The following CUL9 variants were observed in gnomAD, a reference collection of about 807,000 sequenced individuals.
CUL9 encodes cullin 9, also known as cullin-9.
Under a neutral mutation model 272.6 loss-of-function variants are expected in CUL9, and 79 were observed. That is an observed-to-expected ratio of 0.29 (90% CI 0.24 to 0.35). CUL9 has a LOEUF of 0.35. Ranked by LOEUF, CUL9 falls within the 10% of genes least tolerant of loss-of-function variation. The pLI is 1.00. For missense variants in CUL9, 2,532 were observed against 3,255.6 expected (o/e 0.78, Z 5.41); for synonymous variants, 1,186 against 1,286.5 (o/e 0.92, Z 1.67).
intron 29 of CUL9, 31 bp from the exon 30 acceptor site, chr6:43,215,047 AG>A: frequency 6.4e-7 from 1 of 1,562,486 alleles, no homozygotes; most frequent in Non-Finnish European, 8.7e-7. Context: ...CCTACATAAA[AG>A]TGGACTTCTT....
At position 43,198,874 on chromosome 6, in the gene CUL9, C is replaced by G. The variant is rs1334111432; in HGVS notation, c.3050+19C>G. 6.2e-7 allele frequency: 1 copy of G among 1,606,924 alleles called. No individual in the cohort carries two copies. Among genetic ancestry groups the G allele is most frequent in the Non-Finnish European group, 8.5e-7 (1 of 1,175,752 alleles). On this transcript the variant is annotated intron_variant, in intron 12 of 40. Transcript: ENST00000252050. The stretch of plus-strand genomic sequence containing the variant: ...TGCTGAGGTGAGGGGCCTGTTGAGG[C>G]ACCATGCATTGGGACGAGGGAAACT...
chr6:43,220,325 G>T lies in CUL9; in HGVS notation c.6283-134G>T. On this transcript the variant is annotated intron_variant, in intron 31 of 40. Transcript: ENST00000252050. This position sits in a 1 kb window ranked among gnomAD's most constrained non-coding sequence, Gnocchi z 4.9. ...AGGAGTCAGCATTGGTTGATCTAGA[G>T]GCAGGCTTGTTTCTGGCCTTCCACG... is the stretch of plus-strand genomic sequence containing the variant. The T allele has an allele frequency of 9.9e-7, 1 of 1,011,424 alleles. No individual in the cohort carries two copies. Among genetic ancestry groups the T allele is most frequent in the Non-Finnish European group, 1.5e-6 (1 of 675,692 alleles). 62.7% of individuals were successfully genotyped at this position (1,011,424 alleles called of 1,614,324 possible).
intron 12 of CUL9, 59 bp downstream of exon 12, chr6:43,198,914 A>G: frequency 1.3e-6 from 2 of 1,544,354 alleles, no homozygotes; most frequent in Non-Finnish European, 1.7e-6. Flanking sequence ...GACTTCAGGG[A>G]CTTCACTTGT....
At chr6:43,204,645 G>A (rs998509216) in intron 21 of CUL9, 103 bp from the exon 22 acceptor site, 2 of 1,580,576 alleles carry the variant, frequency 1.3e-6, no homozygotes, top group Non-Finnish European at 1.7e-6. Flanking sequence ...GCCTTTCCAG[G>A]CCCCTGAGAC....
chr6:43,215,079 G>A lies in CUL9; in HGVS notation c.5689G>A (p.Val1897Met), dbSNP rs1468967115. The A allele has an allele frequency of 4.4e-6, 7 of 1,600,318 alleles. No homozygotes were observed. The highest frequency in any genetic ancestry group is 6.0e-6 in the Non-Finnish European group (7 of 1,171,054). The change falls in exon 30 of 41, where the codon GTG becomes ATG. Residue 1897 changes from valine (V) to methionine (M), a missense_variant and splice_region_variant. Val to Met is a conservative substitution (Grantham distance 21, BLOSUM62 1). Around this residue, in one of 3 missense-constraint regions of CUL9, gnomAD observed 2,218 missense variants for 2,788.6 expected, o/e 0.80. Coordinates refer to ENST00000252050, the MANE Select transcript of CUL9 (RefSeq NM_015089.4). The part of the protein sequence containing the change: ...GLHIDQLVCL[V>M]LEAWQKGPNP... ...TTCTTGTTTCTTTCCTCCTATCCAG[G>A]TGCTGGAGGCCTGGCAGAAGGGTCC...
intron 21 of CUL9, 65 bp downstream of exon 21, chr6:43,204,604 C>T: frequency 1.2e-6 from 2 of 1,601,914 alleles, no homozygotes; most frequent in South Asian, 1.1e-5. Context: ...CTCCCTCCTC[C>T]CTGGGTCTTA....
intron 2 of CUL9, 144 bp downstream of exon 2, chr6:43,185,049 T>C (rs905810105): frequency 1.4e-6 from 1 of 689,986 alleles, no homozygotes; most frequent in Non-Finnish European, 2.4e-6. Context: ...TATAGATTAA[T>C]AGGCTATTTC....
At position 43,185,438 on chromosome 6, in the gene CUL9, A is replaced by G; in HGVS notation, c.596-18A>G. 1 of 1,610,762 alleles carries G rather than the reference A, an allele frequency of 6.2e-7. No individual in the cohort carries two copies. The highest frequency in any genetic ancestry group is 1.3e-5 in the African/African-American group (1 of 75,004). ...ACTGGGGATTGAGGAGAAGATATGG[A>G]TTGGGTATGGATTACAGGGAGTCGG... On this transcript the variant is annotated intron_variant, in intron 2 of 40. Transcript: ENST00000252050.
At chr6:43,194,755 AAAAAAT>A (rs1202304755) in intron 9 of CUL9, among the ~76,000 whole-genome samples, 3 of 152,124 alleles carry the variant, frequency 2.0e-5, no homozygotes, top group Non-Finnish European at 4.4e-5. Flanking sequence ...GATCATGACA[AAAAAAT>A]AAAAATAAAA....
chr6:43,200,969 G>A lies in CUL9; in HGVS notation c.3647+135G>A. 1 of 1,112,258 alleles carries A rather than the reference G, an allele frequency of 9.0e-7. No individual in the cohort carries two copies. The highest frequency in any genetic ancestry group is 1.5e-5 in the African/African-American group (1 of 65,158). 68.9% of individuals were successfully genotyped at this position (1,112,258 alleles called of 1,614,324 possible). A position where few individuals can be genotyped will look rare whatever the true frequency, so the allele number is the denominator to read the frequency against. Reference sequence around the variant, plus strand: ...ACCTATTTTGTGCAGTGAACACATAGACACATTGACCTGCCTTTGCTGAGT... The same window carrying A: ...ACCTATTTTGTGCAGTGAACACATAAACACATTGACCTGCCTTTGCTGAGT... On this transcript the variant is annotated intron_variant, in intron 16 of 40. Transcript: ENST00000252050. This position sits in a 1 kb window ranked among gnomAD's most constrained non-coding sequence, Gnocchi z 4.0.
chr6:43,204,411 A>G lies in CUL9; in HGVS notation c.4211A>G (p.Gln1404Arg). ...TGGCTGCTGGATCAGTACTTAGAAC[A>G]GAGAGAGACCTCTCGGAACCCCTTG... ...LGWLLDQYLEQRETSRNPLSR... is the reference protein window; with the variant it reads ...LGWLLDQYLERRETSRNPLSR... The change falls in exon 21 of 41, where the codon CAG (glutamine) becomes CGG (arginine). Residue 1404 changes from glutamine to arginine, a missense_variant. By Grantham distance (43) the Gln-to-Arg change is conservative (BLOSUM62 1). Coordinates refer to ENST00000252050, the MANE Select transcript of CUL9 (RefSeq NM_015089.4). 1.2e-6 allele frequency: 2 copies of G among 1,614,130 alleles called. No homozygotes were observed. Among genetic ancestry groups the G allele is most frequent in the Middle Eastern group, 3.3e-4 (2 of 6,062 alleles).
Position 43,223,087 on chromosome 6 carries a change from C to T in CUL9, c.7151-177C>T, listed in dbSNP as rs1276916226. On this transcript the variant is annotated intron_variant, in intron 38 of 40. Transcript: ENST00000252050. This position sits in a 1 kb window ranked among gnomAD's most constrained non-coding sequence, Gnocchi z 4.1. ...GCCTACATTGTAAGGTGCCCAAGGG[C>T]GCAGATGTTCGTGGATGTTTCTTGG... is the stretch of plus-strand genomic sequence containing the variant. The T allele has an allele frequency of 4.0e-6, 4 of 997,164 alleles. No homozygotes were observed. Among genetic ancestry groups the T allele is most frequent in the South Asian group, 1.7e-5 (1 of 59,286 alleles). 61.8% of individuals were successfully genotyped at this position (997,164 alleles called of 1,614,324 possible). A position where few individuals can be genotyped will look rare whatever the true frequency, so the allele number is the denominator to read the frequency against.
At chr6:43,201,549 A>G (rs758633790) in intron 16 of CUL9, among the ~76,000 whole-genome samples, 1 of 152,098 alleles carries the variant, frequency 6.6e-6, no homozygotes, top group South Asian at 2.1e-4. Flanking sequence ...GTGTGATCTC[A>G]GCTCACTGCA....
chr6:43,194,490 T>C (rs1190847614), intron 9 of CUL9, among the ~76,000 whole-genome samples: 1 of 151,372 alleles, frequency 6.6e-6, no homozygotes, highest in Non-Finnish European at 1.5e-5. Flanking sequence ...AGCTTAATTT[T>C]TTGTATTTTT....
In CUL9 at chr6:43,188,540, CG is replaced by C; in HGVS notation, c.2009del (p.Gly670ValfsTer57). 6.2e-7 allele frequency: 1 copy of C among 1,609,106 alleles called. No homozygotes were observed. The highest frequency in any genetic ancestry group is 8.5e-7 in the Non-Finnish European group (1 of 1,177,578). On this transcript the variant is annotated frameshift_variant, in exon 8 of 41. Transcript: ENST00000252050. LOFTEE classifies it high-confidence loss of function. ...EAASEMARALRGPGPRSSLDQ... is the reference protein window; with the variant it reads ...EAASEMARALXGPGPRSSLDQ... ...AATTTCAGAAATGGCCAGAGCCTTG[CG>C]GGGTCCCGGTCCTCGCAGCTCCCTG...
chr6:43,213,777 C>T lies in CUL9; in HGVS notation c.5553C>T (p.Pro1851=), dbSNP rs764659689. 2 of 1,614,134 alleles carry T rather than the reference C, an allele frequency of 1.2e-6. No homozygotes were observed. The highest frequency in any genetic ancestry group is 1.7e-6 in the Non-Finnish European group (2 of 1,180,034). ...GGGAGGCCCTGTGGCTGATACCTCC[C>T]CAGGCATACCTGAACGTAGAGAAGG... ...RSGEALWLIP[P]QAYLNVEKDE... The change falls in exon 29 of 41, where the codon CCC becomes CCT. Residue 1851 remains proline (P), a synonymous_variant. Coordinates refer to ENST00000252050, the MANE Select transcript of CUL9 (RefSeq NM_015089.4). This position sits in a 1 kb window ranked among gnomAD's most constrained non-coding sequence, Gnocchi z 5.7.
Position 43,213,585 on chromosome 6 carries a change from G to T in CUL9, c.5488+18G>T. ...ACACGGGGGTAGGTCATTGGGGGCC[G>T]GGCTGAGCCTCTGCTGCTGGTCGGG... is the stretch of plus-strand genomic sequence containing the variant. On this transcript the variant is annotated intron_variant, in intron 28 of 40. Transcript: ENST00000252050. This position sits in a 1 kb window ranked among gnomAD's most constrained non-coding sequence, Gnocchi z 5.7. 1 of 1,611,740 alleles carries T rather than the reference G, an allele frequency of 6.2e-7. No individual in the cohort carries two copies. Among genetic ancestry groups the T allele is most frequent in the Non-Finnish European group, 8.5e-7 (1 of 1,178,844 alleles).
rs1295021084 is a variant in CUL9 at position 43,204,539 on chromosome 6, T to C, written c.4339T>C (p.Phe1447Leu). The C allele has an allele frequency of 6.2e-7, 1 of 1,614,036 alleles. No individual in the cohort carries two copies. The highest frequency in any genetic ancestry group is 8.5e-7 in the Non-Finnish European group (1 of 1,179,994). The change falls in exon 21 of 41, where the codon TTC becomes CTC. Residue 1447 changes from phenylalanine (F) to leucine (L), a missense_variant and splice_region_variant. Transcript: ENST00000252050. ...GPSPEPSTRP[F>L]SKNSKGRDRS... is the part of the protein sequence containing the mutation. ...TTCTCCTGAGCCATCCACTCGGCCC[T>C]GTAAGTCCCAGCTGTGGCCAGTGGA...
intron 8 of CUL9, 91 bp from the exon 9 acceptor site, chr6:43,192,910 G>A (rs1773656335): frequency 1.8e-6 from 2 of 1,094,300 alleles, no homozygotes; most frequent in Admixed American, 3.7e-5. Flanking sequence ...CTTGGTGGAT[G>A]GGATTGGTCA....
Sources: allele counts gnomAD v4.1 joint callset (sites outside exome capture counted in the v4.1 genomes callset), GRCh38; gene constraint gnomAD v4.1.1; regional missense constraint gnomAD v4.1.1; non-coding constraint Gnocchi (gnomAD v3.1); transcripts MANE v1.5; gene names NCBI Gene and HGNC (gene_info 2026-07-23, HGNC 2026-07-21).